Variants in TRPC6 observed in about 807,000 individuals in gnomAD.
The protein encoded by TRPC6 is short transient receptor potential channel 6.
In TRPC6, 55 loss-of-function variants were observed where a neutral mutation model predicts 90.7. That is an observed-to-expected ratio of 0.61 (90% CI 0.49 to 0.76). The LOEUF (loss-of-function observed/expected upper bound fraction) is 0.76, where lower values mean the gene tolerates loss of function less well. Among genes scored for constraint, TRPC6 ranks in the 30% least tolerant of loss-of-function variants. The pLI, the probability that TRPC6 is intolerant of heterozygous loss-of-function variation, is 0.00. For synonymous variants in TRPC6, 393 were observed against 393.0 expected (o/e 1.00, Z 0.00); for missense variants, 989 against 1,122.7 (o/e 0.88, Z 1.70).
intron 10 of TRPC6, among the ~76,000 whole-genome samples, chr11:101,458,319 C>T (rs1858930854): frequency 1.3e-5 from 2 of 152,124 alleles, no homozygotes; most frequent in African/African-American, 4.8e-5. Context: ...ATGACTAAGT[C>T]CTTCAGGGAA....
chr11:101,524,693 A>G (rs1860738203), intron 1 of TRPC6, among the ~76,000 whole-genome samples: 1 of 152,246 alleles, frequency 6.6e-6, no homozygotes, highest in Admixed American at 6.5e-5. Context: ...AGTGAGTAGT[A>G]GGTAGTAGGT....
chr11:101,480,927 G>C (rs1490113213), intron 5 of TRPC6, among the ~76,000 whole-genome samples: 1 of 152,076 alleles, frequency 6.6e-6, no homozygotes, highest in Non-Finnish European at 1.5e-5. Flanking sequence ...AAAAGAAATA[G>C]AATAAAATCA....
chr11:101,523,139 T>G (rs776753509), intron 1 of TRPC6, among the ~76,000 whole-genome samples: 1 of 152,242 alleles, frequency 6.6e-6, no homozygotes, highest in Non-Finnish European at 1.5e-5. Context: ...TTACTCTTCA[T>G]GCTCTGATCT....
rs1300747593 is a variant in TRPC6 at position 101,451,776 on chromosome 11, C to T, written c.*1179G>A. 6.6e-6 allele frequency: 1 copy of T among 152,176 alleles called. No individual in the cohort carries two copies. Among genetic ancestry groups the T allele is most frequent in the African/African-American group, 2.4e-5 (1 of 41,446 alleles). The allele number at this position is 152,176 out of a possible 1,614,324, so 9.4% of individuals were successfully genotyped here. ...AGTTAAAGATTTGCATTTGAAATCT[C>T]CCATTATTGAATTGGAAGTAGCAGT... On this transcript the variant is annotated 3_prime_UTR_variant, in exon 13 of 13. Coordinates refer to ENST00000344327, the MANE Select transcript of TRPC6 (RefSeq NM_004621.6).
At chr11:101,477,432 AATGTTT>A (rs1300067983) in intron 5 of TRPC6, among the ~76,000 whole-genome samples, 1 of 152,094 alleles carries the variant, frequency 6.6e-6, no homozygotes, top group Non-Finnish European at 1.5e-5. Flanking sequence ...GCTAAGTAAA[AATGTTT>A]AAAATGTTAT....
chr11:101,543,417 AATCCT>A (rs1293030358), intron 1 of TRPC6, among the ~76,000 whole-genome samples: 1 of 152,204 alleles, frequency 6.6e-6, no homozygotes, highest in African/African-American at 2.4e-5. Flanking sequence ...TAGCCAAGAC[AATCCT>A]AAGCAAAAAG....
rs181442722 is a variant in TRPC6, at chr11:101,455,236, T to A, written c.2485-135A>T. ...ATATGTATAGTGCCATTTATCTTGC[T>A]TAGTATTCTGTCTTCCAAGACAAAT... is the stretch of plus-strand genomic sequence containing the variant. On this transcript the variant is annotated intron_variant, in intron 10 of 12. Transcript: ENST00000344327. 170 of 724,420 alleles carry A rather than the reference T, an allele frequency of 2.3e-4. No individual in the cohort carries two copies. In the African/African-American group the frequency reaches 2.8e-3, roughly 12 times the overall value. The allele number at this position is 724,420 out of a possible 1,614,324, so 44.9% of individuals were successfully genotyped here.
intron 1 of TRPC6, among the ~76,000 whole-genome samples, chr11:101,521,091 GA>G (rs771412322): frequency 2.0e-5 from 3 of 152,196 alleles, no homozygotes; most frequent in Non-Finnish European, 4.4e-5. Context: ...CATAAGTAAA[GA>G]GGAGCCAAAT....
chr11:101,484,749 A>T (rs777602442), intron 4 of TRPC6, among the ~76,000 whole-genome samples: 1 of 152,062 alleles, frequency 6.6e-6, no homozygotes, highest in African/African-American at 2.4e-5. Flanking sequence ...ATTTACATAT[A>T]ACCTAGGCAC....
In TRPC6 at chr11:101,471,334, T is replaced by C. The variant is rs1363181408; in HGVS notation, c.2258A>G (p.Tyr753Cys). The C allele has an allele frequency of 1.2e-6, 2 of 1,613,788 alleles. No individual in the cohort carries two copies. The highest frequency in any genetic ancestry group is 1.3e-5 in the African/African-American group (1 of 74,898). Reference sequence around the variant, plus strand: ...AGGAAGTGTTCTGCCCTCCTCAAAGTAGGAAAACCAGAGTTTGGCCCTTGC... The same window carrying C: ...AGGAAGTGTTCTGCCCTCCTCAAAGCAGGAAAACCAGAGTTTGGCCCTTGC... Reference protein sequence around the residue: ...KFARAKLWFSYFEEGRTLPVP... With the variant: ...KFARAKLWFSCFEEGRTLPVP... The change falls in exon 9 of 13, where the codon TAC becomes TGC. Residue 753 changes from tyrosine (Y) to cysteine (C), a missense_variant. Around this residue, in one of 4 missense-constraint regions of TRPC6, gnomAD observed 191 missense variants for 196.7 expected, o/e 0.97. Transcript: ENST00000344327.
At chr11:101,453,221 C>T (rs1473629554) in intron 12 of TRPC6, 115 bp from the exon 13 acceptor site, 11 of 1,082,418 alleles carry the variant, frequency 1.0e-5, no homozygotes, top group Non-Finnish European at 1.5e-5. Flanking sequence ...ATTTTGAATC[C>T]TTTGAAAGGA....
Position 101,457,459 on chromosome 11 carries a change from T to A in TRPC6, c.2485-2358A>T, listed in dbSNP as rs759350221. On this transcript the variant is annotated intron_variant, in intron 10 of 12. Coordinates refer to ENST00000344327, the MANE Select transcript of TRPC6 (RefSeq NM_004621.6). ...AAAAAGAACAAGTAATTTTAAGTCT[T>A]TAAAGTTTCTTATATTGCTGGATAC... Among the ~76,000 whole-genome samples, 195 of 152,332 alleles carry A rather than the reference T, an allele frequency of 1.3e-3. 2 individuals are homozygous for A. Among genetic ancestry groups the A allele is most frequent in the Non-Finnish European group, 1.7e-3 (117 of 68,020 alleles).
intron 1 of TRPC6, among the ~76,000 whole-genome samples, chr11:101,551,143 A>G (rs1861440361): frequency 6.6e-6 from 1 of 151,996 alleles, no homozygotes; most frequent in Non-Finnish European, 1.5e-5. Flanking sequence ...TCCATATAAG[A>G]GCATATCTTC....
In TRPC6 at chr11:101,524,102, A is replaced by G. The variant is rs563782445; in HGVS notation, c.171-19304T>C. Among the ~76,000 whole-genome samples, 9 of 152,312 alleles carry G rather than the reference A, an allele frequency of 5.9e-5. No individual in the cohort carries two copies. The East Asian group carries it at 1.4e-3, about 23-fold the overall frequency. On this transcript the variant is annotated intron_variant, in intron 1 of 12. Coordinates refer to ENST00000344327, the MANE Select transcript of TRPC6 (RefSeq NM_004621.6). ...CCATTGTTTAGTCCACATTCCTCCA[A>G]TGTAAAAGTAGCCTCTCATTCATTT...
At chr11:101,548,834 A>T (rs1861387473) in intron 1 of TRPC6, among the ~76,000 whole-genome samples, 1 of 152,074 alleles carries the variant, frequency 6.6e-6, no homozygotes, top group Admixed American at 6.6e-5. Flanking sequence ...AGTGAAAAAA[A>T]TCATGGTGTA....
chr11:101,503,890 A>G, intron 2 of TRPC6, 134 bp downstream of exon 2: 1 of 1,093,932 alleles, frequency 9.1e-7, no homozygotes, highest in Non-Finnish European at 1.4e-6. Context: ...TATAATAAAG[A>G]GCTTGTTGAA....
At chr11:101,572,661 T>G (rs1422663336) in intron 1 of TRPC6, among the ~76,000 whole-genome samples, 1 of 152,142 alleles carries the variant, frequency 6.6e-6, no homozygotes, top group East Asian at 1.9e-4. Context: ...ATATACACCA[T>G]GGAATACTAT....
intron 10 of TRPC6, among the ~76,000 whole-genome samples, chr11:101,466,699 T>C (rs1283776813): frequency 1.3e-5 from 2 of 152,178 alleles, no homozygotes; most frequent in Non-Finnish European, 2.9e-5. Flanking sequence ...TCAGCCCCCT[T>C]TCCAGGGGAG....
chr11:101,579,677 A>G (rs1005913817), intron 1 of TRPC6, among the ~76,000 whole-genome samples: 1 of 152,184 alleles, frequency 6.6e-6, no homozygotes, highest in Non-Finnish European at 1.5e-5. Flanking sequence ...AAACCCCAAA[A>G]ACGATATTCT....
Sources: gnomAD v4.1 joint callset for allele counts (sites outside exome capture counted in the v4.1 genomes callset) on GRCh38, gnomAD v4.1.1 for gene constraint, gnomAD v4.1.1 regional missense constraint, MANE v1.5 for transcripts, NCBI Gene and HGNC (gene_info 2026-07-23, HGNC 2026-07-21) for gene names.